Variants in DST observed in about 807,000 individuals in gnomAD.
The protein encoded by DST is dystonin, also known as bullous pemphigoid antigen.
A neutral mutation model predicts 875.2 loss-of-function variants in DST; 253 were observed. That is an observed-to-expected ratio of 0.29 (90% CI 0.26 to 0.32). The LOEUF (loss-of-function observed/expected upper bound fraction) is 0.32. Ranked by LOEUF, DST falls within the 10% of genes least tolerant of loss-of-function variation. The pLI, the probability that DST is intolerant of heterozygous loss-of-function variation, is 1.00. For missense variants in DST, 8,287 were observed against 9,111.6 expected, an observed-to-expected ratio of 0.91 and a Z score of 3.68; for synonymous variants, 3,124 against 3,197.1, an observed-to-expected ratio of 0.98 and a Z score of 0.77.
chr6:56,562,588 TTTTA>T (rs2097555357), intron 55 of DST, among the ~76,000 whole-genome samples: 2 of 151,724 alleles, frequency 1.3e-5, no homozygotes, highest in African/African-American at 2.4e-5. Context: ...TTGTATTTAT[TTTTA>T]TTTATTTATT....
intron 3 of DST, among the ~76,000 whole-genome samples, chr6:56,875,335 G>A (rs1779194728): frequency 6.6e-6 from 1 of 152,156 alleles, no homozygotes; most frequent in African/African-American, 2.4e-5. Flanking sequence ...TCTTTTACAG[G>A]TCTCATCACA....
chr6:56,852,165 G>A (rs751286882), intron 3 of DST: 3 of 756,940 alleles, frequency 4.0e-6, no homozygotes, highest in Non-Finnish European at 3.2e-6. Flanking sequence ...TTTTCTTCAT[G>A]AGACTGAAGC....
chr6:56,903,753 C>T (rs1051202009), intron 2 of DST, among the ~76,000 whole-genome samples: 79 of 152,288 alleles, frequency 5.2e-4, no homozygotes, highest in African/African-American at 1.9e-3. Context: ...CCATCGCATG[C>T]GGCCAAAAAT....
intron 72 of DST, among the ~76,000 whole-genome samples, chr6:56,515,035 C>T (rs1176333946): frequency 1.3e-5 from 2 of 152,138 alleles, no homozygotes; most frequent in Non-Finnish European, 2.9e-5. Flanking sequence ...TACACATTTT[C>T]TCCAAACTCA....
At chr6:56,706,133 G>GTGAA (rs1051174029) in intron 5 of DST, among the ~76,000 whole-genome samples, 10 of 152,082 alleles carry the variant, frequency 6.6e-5, no homozygotes, top group Non-Finnish European at 1.2e-4. Flanking sequence ...GGCCAACGTG[G>GTGAA]TGAAACCCCA....
At chr6:56,637,711 G>A (rs1259428159) in intron 22 of DST, among the ~76,000 whole-genome samples, 1 of 151,946 alleles carries the variant, frequency 6.6e-6, no homozygotes, top group Non-Finnish European at 1.5e-5. Context: ...CCTTCCTCAA[G>A]GAAACATGAA....
intron 37 of DST, 38 bp downstream of exon 37, chr6:56,614,318 T>TATC: frequency 6.9e-7 from 1 of 1,452,460 alleles, no homozygotes; most frequent in Admixed American, 2.1e-5. Context: ...ACGTCCCTGC[T>TATC]ATTATTATTA....
At chr6:56,561,740 A>C (rs1216995585) in intron 56 of DST, among the ~76,000 whole-genome samples, 191 bp from the exon 57 acceptor site, 2 of 152,208 alleles carry the variant, frequency 1.3e-5, no homozygotes, top group Non-Finnish European at 2.9e-5. Flanking sequence ...GTCACAAATA[A>C]TTCAAGAAAA....
In DST at chr6:56,553,133, C is replaced by T. The variant is rs770636625; in HGVS notation, c.15659G>A (p.Gly5220Asp). ...TGTGTTGTTCAGTAATTCTACCATA[C>T]CAAAGTGTTGGTCCATTTCCTTCTG... is the stretch of plus-strand genomic sequence containing the variant. Reference protein sequence around the residue: ...SLQKEMDQHFGMVELLNNTAN... With the variant: ...SLQKEMDQHFDMVELLNNTAN... Residue 5220 changes from glycine (G) to aspartate (D), a missense_variant, in exon 61 of 104, where the codon GGT becomes GAT. Gly to Asp is a moderately conservative substitution (Grantham distance 94, BLOSUM62 -1). This residue lies in a region of DST where 1,513 missense variants were observed against 1,677.8 expected (regional missense o/e 0.90). Coordinates refer to ENST00000680361, the MANE Select transcript of DST (RefSeq NM_001374736.1). 5 of 1,613,980 alleles carry T rather than the reference C, an allele frequency of 3.1e-6. No individual in the cohort carries two copies. In the Admixed American group the frequency reaches 6.7e-5, roughly 22 times the overall value.
intron 9 of DST, among the ~76,000 whole-genome samples, chr6:56,687,836 G>A (rs888788394): frequency 6.7e-6 from 1 of 149,002 alleles, no homozygotes; most frequent in Non-Finnish European, 1.5e-5. Flanking sequence ...TAACTGTAAA[G>A]ACAGCACAAA....
intron 61 of DST, among the ~76,000 whole-genome samples, chr6:56,544,358 G>A (rs1031859553): frequency 6.6e-6 from 1 of 152,118 alleles, no homozygotes; most frequent in African/African-American, 2.4e-5. Flanking sequence ...AATAAAGAAT[G>A]GCTCTAATTC....
chr6:56,643,152 C>A (rs2098922295), intron 15 of DST, among the ~76,000 whole-genome samples: 1 of 152,180 alleles, frequency 6.6e-6, no homozygotes, highest in African/African-American at 2.4e-5. Flanking sequence ...TCAGATGCCT[C>A]ACAGATGTCC....
At chr6:56,507,209 C>T (rs2096344268) in intron 75 of DST, among the ~76,000 whole-genome samples, 1 of 152,134 alleles carries the variant, frequency 6.6e-6, no homozygotes, top group Non-Finnish European at 1.5e-5. Context: ...TTTGGATTTA[C>T]ATTTTATGTC....
At chr6:56,521,590 G>C (rs190109117) in intron 69 of DST, among the ~76,000 whole-genome samples, 1 of 95,662 alleles carries the variant, frequency 1.0e-5, no homozygotes, top group African/African-American at 4.3e-5. Flanking sequence ...TCAAACATTT[G>C]CTCTGCTAAG....
Position 56,555,791 on chromosome 6 carries a change from G to T in DST, c.14690C>A (p.Thr4897Lys). 6.4e-7 allele frequency: 1 copy of T among 1,560,120 alleles called. No individual in the cohort carries two copies. The highest frequency in any genetic ancestry group is 1.4e-5 in the African/African-American group (1 of 73,606). ...GCTCAGAATGCCCTGACCAGCTGCT[G>T]TCAGCTGTTCATATTGAGGTTTCCG... Reference protein sequence around the residue: ...ATRKPQYEQLTAAGQGILSRP... With the variant: ...ATRKPQYEQLKAAGQGILSRP... Residue 4897 changes from threonine to lysine, a missense_variant, in exon 60 of 104, where the codon ACA becomes AAA. Around this residue, in one of 10 missense-constraint regions of DST, gnomAD observed 1,513 missense variants for 1,677.8 expected, o/e 0.90. Coordinates refer to ENST00000680361, the MANE Select transcript of DST (RefSeq NM_001374736.1).
chr6:56,648,983 C>T (rs1462893561), intron 12 of DST, among the ~76,000 whole-genome samples: 1 of 152,140 alleles, frequency 6.6e-6, no homozygotes, highest in Non-Finnish European at 1.5e-5. Flanking sequence ...AATCTAAGCA[C>T]AGCAGAAAAA....
chr6:56,498,563 T>A (rs2152454368), intron 80 of DST, among the ~76,000 whole-genome samples: 1 of 152,252 alleles, frequency 6.6e-6, no homozygotes, highest in African/African-American at 2.4e-5. Context: ...AGATTATAAT[T>A]AAAAGGTTCT....
intron 4 of DST, among the ~76,000 whole-genome samples, chr6:56,806,519 G>A (rs968198500): frequency 6.6e-6 from 1 of 152,234 alleles, no homozygotes; most frequent in Admixed American, 6.5e-5. Flanking sequence ...GCTACAGCTG[G>A]AGAATGAATG....
In DST at chr6:56,493,230, T is replaced by A. The variant is rs140035347; in HGVS notation, c.20395-141A>T. The A allele has an allele frequency of 4.0e-4, 263 of 654,634 alleles. No homozygotes were observed. The African/African-American group carries it at 4.1e-3, about 10-fold the overall frequency. 40.6% of individuals were successfully genotyped at this position (654,634 alleles called of 1,614,324 possible). On this transcript the variant is annotated intron_variant, in intron 83 of 103. Transcript: ENST00000680361. ...CTATTAATATATTAACTAAATATCT[T>A]ATAAATGTAATGGGCCTCACTAAAA...
Sources: allele counts gnomAD v4.1 joint callset (sites outside exome capture counted in the v4.1 genomes callset), GRCh38; gene constraint gnomAD v4.1.1; regional missense constraint gnomAD v4.1.1; transcripts MANE v1.5; gene names NCBI Gene and HGNC (gene_info 2026-07-23, HGNC 2026-07-21).